Variants in TPO observed in about 807,000 individuals in gnomAD.
TPO encodes thyroid peroxidase.
In TPO, 78 loss-of-function variants were observed where a neutral mutation model predicts 96.9. The ratio of observed to expected loss-of-function variants is 0.81; its 90% confidence interval spans 0.67 to 0.97. TPO has a LOEUF of 0.97. Among genes scored for constraint, TPO ranks in the 50% least tolerant of loss-of-function variants. TPO has a pLI of 0.00. For missense variants in TPO, 1,252 were observed against 1,274.8 expected (o/e 0.98, Z 0.27); for synonymous variants, 547 against 538.0 (o/e 1.02, Z -0.23).
chr2:1,540,647 C>CTCCCGAGCTGAGATGCGGAA lies in TPO; in HGVS notation c.2673_2692dup (p.Lys898IlefsTer4), dbSNP rs766922115. ...CCCATCTCGGAGACAGGCGGAGGAACTCCCGAGCTGAGATGCGGAAAGCAC... is the reference window on the plus strand; with the variant it reads ...CCCATCTCGGAGACAGGCGGAGGAACTCCCGAGCTGAGATGCGGAATCCCGAGCTGAGATGCGGAAAGCAC... On this transcript the variant is annotated frameshift_variant, in exon 16 of 17. Coordinates refer to ENST00000329066, the MANE Select transcript of TPO (RefSeq NM_001206744.2). LOFTEE classifies it high-confidence loss of function. 2.0e-5 allele frequency: 32 copies of CTCCCGAGCTGAGATGCGGAA among 1,613,610 alleles called. No individual in the cohort carries two copies. The highest frequency in any genetic ancestry group is 9.3e-6 in the Non-Finnish European group (11 of 1,180,032).
intron 15 of TPO, among the ~76,000 whole-genome samples, chr2:1,518,856 A>T (rs957014561): frequency 1.4e-4 from 22 of 152,186 alleles, no homozygotes; most frequent in African/African-American, 4.8e-4. Context: ...ATATGTTTAT[A>T]TCCTGACCTT....
chr2:1,452,676 G>T (rs940239251), intron 5 of TPO, among the ~76,000 whole-genome samples: 1 of 152,172 alleles, frequency 6.6e-6, no homozygotes, highest in Admixed American at 6.6e-5. Flanking sequence ...TCATTAAAAT[G>T]ATTTTTATTC....
At chr2:1,493,721 C>T (rs1672037072) in intron 10 of TPO, 81 bp from the exon 11 acceptor site, 5 of 1,536,534 alleles carry the variant, frequency 3.3e-6, no homozygotes, top group African/African-American at 1.4e-5. Context: ...CTTCCAGTCT[C>T]GGGGACCATG....
chr2:1,522,130 T>G (rs1268723821), intron 15 of TPO, among the ~76,000 whole-genome samples: 1 of 122,436 alleles, frequency 8.2e-6, no homozygotes, highest in South Asian at 3.1e-4. Context: ...ACACCGGCCC[T>G]GCCACCGTGC....
In TPO at chr2:1,503,901, G is replaced by T. The variant is rs370155826; in HGVS notation, c.2387-47G>T. On this transcript the variant is annotated intron_variant, in intron 13 of 16. Coordinates refer to ENST00000329066, the MANE Select transcript of TPO (RefSeq NM_001206744.2). Reference sequence around the variant, plus strand: ...AACGGGGGTCGCTCGCGGGAGATGGGGGTGCAGCCGCTTCCTCTCACGTGT... The same window carrying T: ...AACGGGGGTCGCTCGCGGGAGATGGTGGTGCAGCCGCTTCCTCTCACGTGT... The T allele has an allele frequency of 1.5e-5, 24 of 1,613,844 alleles. No homozygotes were observed. The African/African-American group carries it at 2.8e-4, about 19-fold the overall frequency.
At chr2:1,413,593 T>C (rs1458478516) in intron 1 of TPO, 48 bp downstream of exon 1, 1 of 854,046 alleles carries the variant, frequency 1.2e-6, no homozygotes, top group Non-Finnish European at 1.4e-6. Context: ...GAGAAATTCA[T>C]CATTGGAACT....
chr2:1,430,596 A>C (rs4645041), intron 3 of TPO, among the ~76,000 whole-genome samples: 45,031 of 152,188 alleles, frequency 0.3, 7,122 homozygotes, highest in South Asian at 0.48. Context: ...GCACTCTGCA[A>C]CTGAAAAAGC....
At chr2:1,533,924 T>A (rs1424749172) in intron 15 of TPO, among the ~76,000 whole-genome samples, 1 of 72,470 alleles carries the variant, frequency 1.4e-5, no homozygotes, top group Non-Finnish European at 2.8e-5. Context: ...GCAACCTCCA[T>A]AAATCCAACC....
chr2:1,507,502 C>T (rs1288238940), intron 14 of TPO, among the ~76,000 whole-genome samples: 4 of 152,194 alleles, frequency 2.6e-5, no homozygotes, highest in African/African-American at 7.2e-5. Context: ...CATATTGATT[C>T]TTCCTACCCA....
At position 1,496,709 on chromosome 2, in the gene TPO, G is replaced by A. The variant is rs150373711; in HGVS notation, c.2330G>A (p.Arg777Gln). 1.2e-5 allele frequency: 19 copies of A among 1,613,988 alleles called. No individual in the cohort carries two copies. The highest frequency in any genetic ancestry group is 2.2e-5 in the East Asian group (1 of 44,884). ...SCRHGYELQG[R>Q]EQLTCTQEGW... The stretch of plus-strand genomic sequence containing the variant: ...CGGCACGGGTATGAGCTCCAAGGCC[G>A]GGAGCAGCTCACTTGCACCCAGGAA... The change falls in exon 13 of 17, where the codon CGG becomes CAG. Residue 777 changes from arginine (R) to glutamine (Q), a missense_variant. Transcript: ENST00000329066.
intron 15 of TPO, among the ~76,000 whole-genome samples, chr2:1,530,320 C>T (rs1249531208): frequency 7.1e-6 from 1 of 139,988 alleles, no homozygotes; most frequent in Non-Finnish European, 1.5e-5. Flanking sequence ...AATCCCCACA[C>T]TGTGAGAAAC....
intron 2 of TPO, among the ~76,000 whole-genome samples, chr2:1,419,240 C>T (rs193074971): frequency 9.9e-5 from 15 of 152,224 alleles, no homozygotes; most frequent in Non-Finnish European, 1.8e-4. Context: ...TCCCGTGACT[C>T]CCTAGAACTC....
intron 5 of TPO, among the ~76,000 whole-genome samples, chr2:1,441,776 G>A (rs1666216502): frequency 6.6e-6 from 1 of 152,168 alleles, no homozygotes; most frequent in African/African-American, 2.4e-5. Flanking sequence ...AATCCCCAGG[G>A]CCTGAGGATG....
chr2:1,475,114 CTCT>C (rs377713497), intron 7 of TPO, among the ~76,000 whole-genome samples: 7 of 152,334 alleles, frequency 4.6e-5, no homozygotes, highest in East Asian at 1.9e-4. Context: ...ACACTTTCAG[CTCT>C]TCTTAAGAGT....
intron 5 of TPO, among the ~76,000 whole-genome samples, chr2:1,447,976 A>G (rs1041030272): frequency 1.3e-5 from 2 of 152,206 alleles, no homozygotes; most frequent in Non-Finnish European, 2.9e-5. Flanking sequence ...CAGACATCAG[A>G]ACACCTTGTT....
chr2:1,390,167 C>CA (rs1013532339), intron 1 of TPO, among the ~76,000 whole-genome samples: 10 of 152,184 alleles, frequency 6.6e-5, no homozygotes, highest in Middle Eastern at 3.4e-3. Flanking sequence ...TATCCCCCCC[C>CA]AGCTCCCCAG....
intron 1 of TPO, among the ~76,000 whole-genome samples, chr2:1,403,790 A>G (rs1377661347): frequency 2.0e-5 from 3 of 152,156 alleles, no homozygotes; most frequent in African/African-American, 4.8e-5. Flanking sequence ...ACCACCTGGC[A>G]TGCTTTAGTG....
chr2:1,482,019 G>A (rs1670693167), intron 8 of TPO, among the ~76,000 whole-genome samples: 1 of 152,200 alleles, frequency 6.6e-6, no homozygotes, highest in Non-Finnish European at 1.5e-5. Flanking sequence ...CCTCCTCCCT[G>A]GAGCACCCTC....
At chr2:1,537,102 G>A (rs1357939854) in intron 15 of TPO, among the ~76,000 whole-genome samples, 1 of 60,474 alleles carries the variant, frequency 1.7e-5, no homozygotes, top group Non-Finnish European at 2.9e-5. Context: ...TCCACTGTGT[G>A]CAACCTCCCT....
Sources: allele counts gnomAD v4.1 joint callset (sites outside exome capture counted in the v4.1 genomes callset), GRCh38; gene constraint gnomAD v4.1.1; transcripts MANE v1.5; gene names NCBI Gene and HGNC (gene_info 2026-07-23, HGNC 2026-07-21).